Variants in UNC79 observed in about 807,000 individuals in gnomAD.
The protein encoded by UNC79 is protein unc-79 homolog.
UNC79 carries 37 observed loss-of-function variants against 283.1 expected under a neutral mutation model. That is an observed-to-expected ratio of 0.13 (90% CI 0.10 to 0.17). The LOEUF is 0.17. Ranked by LOEUF, UNC79 falls within the 10% of genes least tolerant of loss-of-function variation. The pLI is 1.00. For synonymous variants in UNC79, 1,107 were observed against 1,200.2 expected, an observed-to-expected ratio of 0.92 and a Z score of 1.61; for missense variants, 2,272 against 3,211.1, an observed-to-expected ratio of 0.71 and a Z score of 7.07.
chr14:93,627,454 T>G (rs1171172137), intron 30 of UNC79, among the ~76,000 whole-genome samples: 1 of 152,172 alleles, frequency 6.6e-6, no homozygotes, highest in Non-Finnish European at 1.5e-5. Flanking sequence ...AGTCTACAAC[T>G]CACCTGGGGA....
chr14:93,552,933 A>G (rs1044069827), intron 14 of UNC79, among the ~76,000 whole-genome samples: 1 of 152,228 alleles, frequency 6.6e-6, no homozygotes. Context: ...CTGCATAGAC[A>G]GGATATGAGG....
intron 30 of UNC79, among the ~76,000 whole-genome samples, 163 bp downstream of exon 32, chr14:93,623,004 A>G (rs1447810616): frequency 6.6e-6 from 1 of 152,156 alleles, no homozygotes; most frequent in Non-Finnish European, 1.5e-5. Flanking sequence ...TGTTTAATGG[A>G]CAATGTTGGA....
In UNC79 at chr14:93,377,529, A is replaced by G. The variant is rs189809804; in HGVS notation, c.-351+44006A>G. Among the ~76,000 whole-genome samples, 4 of 152,332 alleles carry G rather than the reference A, an allele frequency of 2.6e-5. No homozygotes were observed. In the East Asian group the frequency reaches 7.7e-4, roughly 29 times the overall value. ...AATAAAATAGTGATTACCGGGATACAATCTGAAGGCTCAACCAGTGAGGTC... is the reference window on the plus strand; with the variant it reads ...AATAAAATAGTGATTACCGGGATACGATCTGAAGGCTCAACCAGTGAGGTC... On this transcript the variant is annotated intron_variant, in intron 1 of 49. Coordinates refer to the UNC79 transcript ENST00000256339.
intron 16 of UNC79, among the ~76,000 whole-genome samples, chr14:93,573,132 G>T (rs952956906): frequency 6.6e-6 from 1 of 152,114 alleles, no homozygotes; most frequent in Admixed American, 6.5e-5. Flanking sequence ...ATAAATCTTT[G>T]ATATTAAACA....
chr14:93,683,053 C>T (rs2073963261), intron 42 of UNC79, among the ~76,000 whole-genome samples: 1 of 151,810 alleles, frequency 6.6e-6, no homozygotes, highest in African/African-American at 2.4e-5. Context: ...ATGCAAAGAA[C>T]ATCTTTGTGC....
intron 1 of UNC79, among the ~76,000 whole-genome samples, chr14:93,422,354 CCAA>C: frequency 6.6e-6 from 1 of 151,790 alleles, no homozygotes; most frequent in Non-Finnish European, 1.5e-5. Flanking sequence ...GTTGTGGAGA[CCAA>C]AGCTTATCAT....
intron 4 of UNC79, among the ~76,000 whole-genome samples, chr14:93,486,709 T>A (rs1429578719): frequency 1.3e-5 from 2 of 151,566 alleles, no homozygotes; most frequent in East Asian, 3.9e-4. Flanking sequence ...GACCATGTAT[T>A]TCCCCAAATG....
chr14:93,375,345 G>T (rs1463143070), intron 1 of UNC79, among the ~76,000 whole-genome samples: 1 of 152,194 alleles, frequency 6.6e-6, no homozygotes, highest in African/African-American at 2.4e-5. Flanking sequence ...TTGCACTGCT[G>T]CACTCCAGCC....
intron 1 of UNC79, among the ~76,000 whole-genome samples, chr14:93,404,511 T>TATATATATATATATATATATATAA (rs1342806157): frequency 6.8e-4 from 80 of 117,136 alleles, no homozygotes; most frequent in Non-Finnish European, 1.2e-3. Flanking sequence ...TATATATATA[T>TATATATATATATATATATATATAA]ATAAATATAT....
intron 1 of UNC79, among the ~76,000 whole-genome samples, chr14:93,350,279 TAAAA>T: frequency 6.6e-6 from 1 of 152,130 alleles, no homozygotes; most frequent in African/African-American, 2.4e-5. Context: ...ATTCAAAAGT[TAAAA>T]AAGGTAAAAA....
intron 47 of UNC79, among the ~76,000 whole-genome samples, chr14:93,703,376 C>T (rs1177020616): frequency 6.6e-6 from 1 of 152,188 alleles, no homozygotes; most frequent in African/African-American, 2.4e-5. Context: ...TTGTTCCAGA[C>T]CTGTCTCCTA....
chr14:93,694,376 G>A (rs1232161090), exon 47 of UNC79: 1 of 1,611,152 alleles, frequency 6.2e-7, no homozygotes, highest in East Asian at 2.2e-5. Context: ...GTTTAATGGA[G>A]GCATTGCAGG....
chr14:93,623,106 G>A (rs1377264147), intron 30 of UNC79, among the ~76,000 whole-genome samples: 1 of 152,208 alleles, frequency 6.6e-6, no homozygotes, highest in Non-Finnish European at 1.5e-5. Context: ...GCAATGAGAT[G>A]CATTGGTTAA....
intron 35 of UNC79, among the ~76,000 whole-genome samples, chr14:93,651,324 G>C (rs200352477): frequency 6.6e-6 from 1 of 152,134 alleles, no homozygotes; most frequent in Non-Finnish European, 1.5e-5. Context: ...TATCAAAAAA[G>C]TCTGCTGGGC....
At position 93,497,138 on chromosome 14, in the gene UNC79, T is replaced by C; in HGVS notation, c.769-19T>C. The C allele has an allele frequency of 6.2e-7, 1 of 1,602,972 alleles. No individual in the cohort carries two copies. Among genetic ancestry groups the C allele is most frequent in the Non-Finnish European group, 8.5e-7 (1 of 1,176,620 alleles). Reference sequence around the variant, plus strand: ...TATTTCATGATGCTAAGTCAAAATATGCTTGCTGTTTCCTTTAGGATCTTT... The same window carrying C: ...TATTTCATGATGCTAAGTCAAAATACGCTTGCTGTTTCCTTTAGGATCTTT... On this transcript the variant is annotated intron_variant, in intron 6 of 48. Transcript: ENST00000555664.
intron 7 of UNC79, among the ~76,000 whole-genome samples, chr14:93,506,758 A>G (rs756394829): frequency 1.4e-4 from 21 of 152,096 alleles, no homozygotes; most frequent in Non-Finnish European, 1.5e-4. Context: ...GTACTTTATT[A>G]AGGTATATTT....
intron 11 of UNC79, among the ~76,000 whole-genome samples, chr14:93,535,556 TTGA>T (rs200380194): frequency 0.014 from 2,108 of 152,310 alleles, 22 homozygotes; most frequent in Middle Eastern, 0.037. Flanking sequence ...TTGTCTCTGT[TTGA>T]TGATGTTTGG....
At chr14:93,496,700 C>T (rs2059030099) in intron 6 of UNC79, among the ~76,000 whole-genome samples, 1 of 151,968 alleles carries the variant, frequency 6.6e-6, no homozygotes, top group Non-Finnish European at 1.5e-5. Flanking sequence ...GTATCTTATT[C>T]TTGGAATTAA....
chr14:93,622,778 C>G, exon 30 of UNC79: 1 of 1,614,156 alleles, frequency 6.2e-7, no homozygotes, highest in South Asian at 1.1e-5. Context: ...CAGTGCTATC[C>G]AGAGAGAGTA....
Sources: gnomAD v4.1 joint callset for allele counts (sites outside exome capture counted in the v4.1 genomes callset) on GRCh38, gnomAD v4.1.1 for gene constraint, MANE v1.5 for transcripts, NCBI Gene and HGNC (gene_info 2026-07-23, HGNC 2026-07-21) for gene names.